The following EYS variants were observed in gnomAD, a reference collection of about 807,000 sequenced individuals.
The protein encoded by EYS is protein eyes shut homolog.
EYS carries 250 observed loss-of-function variants against 282.1 expected under a neutral mutation model. That is an observed-to-expected ratio of 0.89 (90% CI 0.80 to 0.98). The LOEUF (loss-of-function observed/expected upper bound fraction) is 0.98, where lower values mean the gene tolerates loss of function less well. EYS is among the 50% of genes least tolerant of loss of function. The pLI, the probability that EYS is intolerant of heterozygous loss-of-function variation, is 0.00. For synonymous variants in EYS, 1,355 were observed against 1,282.9 expected, an observed-to-expected ratio of 1.06 and a Z score of -1.20; for missense variants, 4,016 against 3,709.0, an observed-to-expected ratio of 1.08 and a Z score of -2.15.
At chr6:65,096,488 A>C (rs1581906641) in intron 12 of EYS, among the ~76,000 whole-genome samples, 1 of 151,132 alleles carries the variant, frequency 6.6e-6, no homozygotes, top group East Asian at 1.9e-4. Context: ...GAAATAGAAA[A>C]AAAAATTGTG....
At chr6:65,529,009 C>A (rs557337131) in intron 2 of EYS, among the ~76,000 whole-genome samples, 52 of 152,126 alleles carry the variant, frequency 3.4e-4, no homozygotes, top group Non-Finnish European at 7.1e-4. Flanking sequence ...AGAGGAGATG[C>A]AGAAGCAAGT....
chr6:65,203,027 C>T (rs1765942426), intron 12 of EYS, among the ~76,000 whole-genome samples: 1 of 152,294 alleles, frequency 6.6e-6, no homozygotes, highest in South Asian at 2.1e-4. Flanking sequence ...CTCAAGCCAC[C>T]TTAGTGGCAG....
chr6:65,145,094 C>T (rs971102278), intron 12 of EYS, among the ~76,000 whole-genome samples: 3 of 151,674 alleles, frequency 2.0e-5, no homozygotes, highest in Non-Finnish European at 2.9e-5. Context: ...AACACACACA[C>T]ACCATTCTTC....
At chr6:64,735,285 G>A (rs527453953) in intron 22 of EYS, among the ~76,000 whole-genome samples, 11 of 152,132 alleles carry the variant, frequency 7.2e-5, no homozygotes, top group East Asian at 1.9e-4. Context: ...GGGTTTCACC[G>A]TGTTAGCCAG....
intron 7 of EYS, among the ~76,000 whole-genome samples, chr6:65,388,327 G>T (rs1338921997): frequency 6.6e-6 from 1 of 151,980 alleles, no homozygotes; most frequent in African/African-American, 2.4e-5. Flanking sequence ...TTATGGGGAA[G>T]GGAGAGAAAA....
At chr6:64,820,050 T>C (rs1419241255) in intron 21 of EYS, among the ~76,000 whole-genome samples, 1 of 152,042 alleles carries the variant, frequency 6.6e-6, no homozygotes, top group Non-Finnish European at 1.5e-5. Flanking sequence ...GTGATTTCAT[T>C]TAATAGGATC....
chr6:64,479,470 A>T (rs1016467065), intron 26 of EYS, among the ~76,000 whole-genome samples: 3 of 151,902 alleles, frequency 2.0e-5, no homozygotes, highest in African/African-American at 7.2e-5. Context: ...CCAATCTCTT[A>T]CTGTAAATGC....
chr6:64,171,772 C>T (rs1467400839), intron 31 of EYS, among the ~76,000 whole-genome samples: 2 of 152,126 alleles, frequency 1.3e-5, no homozygotes, highest in African/African-American at 4.8e-5. Flanking sequence ...GTTTATTTCT[C>T]TGCCATTTCC....
At chr6:64,541,278 G>C (rs1764689482) in intron 26 of EYS, among the ~76,000 whole-genome samples, 1 of 152,142 alleles carries the variant, frequency 6.6e-6, no homozygotes. Flanking sequence ...CTCAGGGGCA[G>C]CTCTGTTTTG....
At chr6:65,359,684 G>T (rs1330872429) in intron 8 of EYS, among the ~76,000 whole-genome samples, 2 of 152,026 alleles carry the variant, frequency 1.3e-5, no homozygotes, top group South Asian at 2.1e-4. Flanking sequence ...AAAATGAAAA[G>T]AAATTCCTTC....
chr6:65,168,403 T>G (rs1290393163), intron 12 of EYS, among the ~76,000 whole-genome samples: 1 of 151,240 alleles, frequency 6.6e-6, no homozygotes, highest in Non-Finnish European at 1.5e-5. Context: ...TTCTATTTCA[T>G]TCTGGAAATT....
chr6:65,511,818 T>G (rs1045792021), intron 2 of EYS, among the ~76,000 whole-genome samples: 8 of 151,898 alleles, frequency 5.3e-5, no homozygotes, highest in African/African-American at 1.9e-4. Flanking sequence ...CTGGGTGTGA[T>G]GGCACACACT....
chr6:64,502,648 T>C (rs575916660), intron 26 of EYS, among the ~76,000 whole-genome samples: 12 of 152,320 alleles, frequency 7.9e-5, no homozygotes, highest in African/African-American at 2.6e-4. Context: ...TTAAGTTTTA[T>C]ATAAGGAATA....
At chr6:65,706,808 T>C (rs1049967009) in intron 1 of EYS, among the ~76,000 whole-genome samples, 1 of 152,020 alleles carries the variant, frequency 6.6e-6, no homozygotes, top group African/African-American at 2.4e-5. Context: ...ACCTCAAAAA[T>C]CGAAAGCAAT....
chr6:65,109,480 A>G (rs1279714982), intron 12 of EYS, among the ~76,000 whole-genome samples: 3 of 151,878 alleles, frequency 2.0e-5, no homozygotes, highest in Non-Finnish European at 2.9e-5. Flanking sequence ...TATTTCATAC[A>G]TTTGTCATTA....
intron 5 of EYS, among the ~76,000 whole-genome samples, chr6:65,430,031 G>C (rs908299041): frequency 6.6e-6 from 1 of 152,086 alleles, no homozygotes; most frequent in Non-Finnish European, 1.5e-5. Context: ...TAGGAAAGAT[G>C]AGTAATTTGC....
At chr6:65,562,222 A>G (rs1769091108) in intron 2 of EYS, among the ~76,000 whole-genome samples, 1 of 152,034 alleles carries the variant, frequency 6.6e-6, no homozygotes, top group African/African-American at 2.4e-5. Flanking sequence ...CTTATCAGCA[A>G]ATATCAGGAA....
chr6:65,554,011 G>A (rs1437334717), intron 2 of EYS, among the ~76,000 whole-genome samples: 1 of 152,090 alleles, frequency 6.6e-6, no homozygotes, highest in Admixed American at 6.5e-5. Flanking sequence ...AGGTAATTGG[G>A]TCATGAGGGC....
intron 15 of EYS, among the ~76,000 whole-genome samples, chr6:64,932,351 A>G (rs1768754920): frequency 6.6e-6 from 1 of 152,066 alleles, no homozygotes; most frequent in Admixed American, 6.6e-5. Flanking sequence ...GACTGACTTT[A>G]TTTGACCTGA....
Sources: gnomAD v4.1 joint callset for allele counts (sites outside exome capture counted in the v4.1 genomes callset) on GRCh38, gnomAD v4.1.1 for gene constraint, MANE v1.5 for transcripts, NCBI Gene and HGNC (gene_info 2026-07-23, HGNC 2026-07-21) for gene names.